The following STXBP5L variants were observed in gnomAD, a reference collection of about 807,000 sequenced individuals.
STXBP5L encodes the protein syntaxin-binding protein 5-like.
A neutral mutation model predicts 144.5 loss-of-function variants in STXBP5L; 65 were observed. The observed-to-expected ratio is 0.45, with a 90% confidence interval of 0.37 to 0.55. The LOEUF (loss-of-function observed/expected upper bound fraction) is 0.55. STXBP5L is among the 20% of genes least tolerant of loss of function. STXBP5L has a pLI of 0.00. For synonymous variants in STXBP5L, 505 were observed against 469.6 expected, an observed-to-expected ratio of 1.08 and a Z score of -0.97; for missense variants, 1,298 against 1,405.5, an observed-to-expected ratio of 0.92 and a Z score of 1.22.
At chr3:121,055,708 A>G (rs932998046) in intron 5 of STXBP5L, among the ~76,000 whole-genome samples, 1 of 150,960 alleles carries the variant, frequency 6.6e-6, no homozygotes, top group Non-Finnish European at 1.5e-5. Context: ...GTTTCTTACT[A>G]TGCTTTTTTT....
At chr3:121,182,422 T>C (rs2047194318) in intron 9 of STXBP5L, among the ~76,000 whole-genome samples, 1 of 152,206 alleles carries the variant, frequency 6.6e-6, no homozygotes, top group Non-Finnish European at 1.5e-5. Flanking sequence ...TGAATTATCT[T>C]TGGGTTAATA....
intron 9 of STXBP5L, among the ~76,000 whole-genome samples, chr3:121,166,098 C>T (rs1419671995): frequency 2.6e-5 from 4 of 151,986 alleles, no homozygotes; most frequent in Admixed American, 2.6e-4. Flanking sequence ...GAGGTGTAAC[C>T]TCTGCCTCTT....
chr3:120,951,711 T>G (rs1400938980), intron 2 of STXBP5L, among the ~76,000 whole-genome samples: 2 of 151,790 alleles, frequency 1.3e-5, no homozygotes, highest in Non-Finnish European at 3.0e-5. Flanking sequence ...TTGTTGGGAC[T>G]GTAAACTAGT....
chr3:121,189,035 G>T (rs188190089), intron 9 of STXBP5L, among the ~76,000 whole-genome samples: 338 of 152,294 alleles, frequency 2.2e-3, no homozygotes, highest in Non-Finnish European at 3.5e-3. Flanking sequence ...GTTTGCAGAT[G>T]ACATGAATTT....
intron 2 of STXBP5L, among the ~76,000 whole-genome samples, chr3:120,913,737 C>T (rs2107556860): frequency 6.6e-6 from 1 of 151,960 alleles, no homozygotes; most frequent in Admixed American, 6.6e-5. Context: ...TTGAAGCAAA[C>T]CAAGTGTCAA....
At chr3:120,984,088 G>T (rs1942061487) in intron 3 of STXBP5L, among the ~76,000 whole-genome samples, 1 of 152,142 alleles carries the variant, frequency 6.6e-6, no homozygotes, top group Non-Finnish European at 1.5e-5. Context: ...ACTCTCAGTG[G>T]TTCCCATGGG....
At chr3:120,921,090 AC>A (rs1248097276) in intron 2 of STXBP5L, among the ~76,000 whole-genome samples, 9 of 151,910 alleles carry the variant, frequency 5.9e-5, no homozygotes, top group African/African-American at 1.9e-4. Context: ...TTACATTCAC[AC>A]CAACAATGTG....
chr3:120,990,961 A>T (rs1350905991), intron 3 of STXBP5L, among the ~76,000 whole-genome samples: 1 of 152,242 alleles, frequency 6.6e-6, no homozygotes, highest in African/African-American at 2.4e-5. Flanking sequence ...AATGGCAACA[A>T]AAGCCAAAAC....
intron 22 of STXBP5L, among the ~76,000 whole-genome samples, chr3:121,389,123 G>A (rs1318367277): frequency 6.6e-6 from 1 of 152,148 alleles, no homozygotes; most frequent in Non-Finnish European, 1.5e-5. Context: ...TCTTGGGAGG[G>A]TGTATGTGTC....
intron 9 of STXBP5L, among the ~76,000 whole-genome samples, chr3:121,197,295 T>C (rs1225689042): frequency 2.6e-5 from 4 of 152,164 alleles, no homozygotes; most frequent in Middle Eastern, 3.2e-3. Context: ...TTTGCTTGTT[T>C]TGTGCAGTCA....
At chr3:121,309,498 C>A (rs778781270) in intron 19 of STXBP5L, among the ~76,000 whole-genome samples, 4 of 151,910 alleles carry the variant, frequency 2.6e-5, no homozygotes, top group Non-Finnish European at 4.4e-5. Flanking sequence ...ATACATGAAG[C>A]AATGCCTAAC....
At chr3:121,043,259 T>A (rs1304044017) in intron 4 of STXBP5L, among the ~76,000 whole-genome samples, 1 of 152,138 alleles carries the variant, frequency 6.6e-6, no homozygotes, top group Non-Finnish European at 1.5e-5. Context: ...CACAGATCTT[T>A]ATAGTGCTTT....
intron 10 of STXBP5L, among the ~76,000 whole-genome samples, chr3:121,217,674 A>T (rs2048827083): frequency 6.6e-6 from 1 of 152,048 alleles, no homozygotes; most frequent in Non-Finnish European, 1.5e-5. Flanking sequence ...TATTTTTAAA[A>T]ATCTTTTCTC....
chr3:121,282,485 T>G (rs1165058337), intron 19 of STXBP5L: 2 of 565,414 alleles, frequency 3.5e-6, no homozygotes, highest in African/African-American at 3.8e-5. Flanking sequence ...ACCTGATAAT[T>G]TTAATAAACA....
At chr3:121,057,504 C>A (rs1036835715) in intron 5 of STXBP5L, among the ~76,000 whole-genome samples, 1 of 151,974 alleles carries the variant, frequency 6.6e-6, no homozygotes, top group African/African-American at 2.4e-5. Flanking sequence ...TCACTTACCC[C>A]CAGGTATCCT....
Position 121,102,755 on chromosome 3 carries a change from G to T in STXBP5L, c.471-12170G>T, listed in dbSNP as rs573810504. Among the ~76,000 whole-genome samples the T allele has an allele frequency of 2.6e-5, 4 of 152,076 alleles. No homozygotes were observed. In the South Asian group the frequency reaches 8.3e-4, roughly 32 times the overall value. On this transcript the variant is annotated intron_variant, in intron 5 of 26. Transcript: ENST00000471454. Reference sequence around the variant, plus strand: ...ACAGCAAGATAAACTGTCACCAGAAGAAACAGATATACTACAGAATGGTAG... The same window carrying T: ...ACAGCAAGATAAACTGTCACCAGAATAAACAGATATACTACAGAATGGTAG...
intron 20 of STXBP5L, among the ~76,000 whole-genome samples, chr3:121,351,288 G>A (rs1396478614): frequency 1.3e-5 from 2 of 152,114 alleles, no homozygotes; most frequent in East Asian, 1.9e-4. Flanking sequence ...TTGGTGAACA[G>A]CAAATGTGGC....
At chr3:121,307,387 A>G (rs575586900) in intron 19 of STXBP5L, among the ~76,000 whole-genome samples, 1 of 152,314 alleles carries the variant, frequency 6.6e-6, no homozygotes, top group East Asian at 1.9e-4. Flanking sequence ...AAATATGCTT[A>G]AAGAACTGGA....
rs572730315 is a variant in STXBP5L at position 121,197,939 on chromosome 3, A to G, written c.878-7984A>G. Among the ~76,000 whole-genome samples the G allele has an allele frequency of 3.9e-5, 6 of 152,348 alleles. No individual in the cohort carries two copies. The East Asian group carries it at 1.2e-3, about 29-fold the overall frequency. ...GTTCCAAGTTTTTGCTATTGTGAATAGTGCTGCAATAAACATATGCATGCA... is the reference window on the plus strand; with the variant it reads ...GTTCCAAGTTTTTGCTATTGTGAATGGTGCTGCAATAAACATATGCATGCA... On this transcript the variant is annotated intron_variant, in intron 9 of 26. Coordinates refer to ENST00000471454, the MANE Select transcript of STXBP5L (RefSeq NM_001308330.2).
Sources: allele counts gnomAD v4.1 joint callset (sites outside exome capture counted in the v4.1 genomes callset), GRCh38; gene constraint gnomAD v4.1.1; transcripts MANE v1.5; gene names NCBI Gene and HGNC (gene_info 2026-07-23, HGNC 2026-07-21).